The following JMJD1C variants were observed in gnomAD, a reference collection of about 807,000 sequenced individuals.
JMJD1C encodes the protein jumonji domain-containing protein 1C.
JMJD1C carries 31 observed loss-of-function variants against 245.3 expected under a neutral mutation model. The ratio of observed to expected loss-of-function variants is 0.13; its 90% confidence interval spans 0.09 to 0.17. JMJD1C has a LOEUF of 0.17. Ranked by LOEUF, JMJD1C falls within the 10% of genes least tolerant of loss-of-function variation. JMJD1C has a pLI of 1.00. For synonymous variants in JMJD1C, 1,057 were observed against 1,017.4 expected, an observed-to-expected ratio of 1.04 and a Z score of -0.74; for missense variants, 2,691 against 3,000.2, an observed-to-expected ratio of 0.90 and a Z score of 2.41.
At chr10:63,285,052 G>C (rs141003936) in intron 2 of JMJD1C, among the ~76,000 whole-genome samples, 5 of 152,248 alleles carry the variant, frequency 3.3e-5, no homozygotes, top group African/African-American at 9.6e-5. Flanking sequence ...TGGAAATAAA[G>C]TGCAAACTCC....
At chr10:63,512,775 C>G (rs761130100) in intron 1 of JMJD1C, among the ~76,000 whole-genome samples, 1 of 152,092 alleles carries the variant, frequency 6.6e-6, no homozygotes, top group Non-Finnish European at 1.5e-5. Context: ...TAAAATATTG[C>G]TTCTGTTCCT....
intron 1 of JMJD1C, among the ~76,000 whole-genome samples, chr10:63,433,417 T>C (rs907090361): frequency 1.3e-5 from 2 of 152,088 alleles, no homozygotes; most frequent in East Asian, 1.9e-4. Flanking sequence ...TTTATTTATT[T>C]AGATACTGAG....
At chr10:63,288,257 C>T (rs924090920) in intron 2 of JMJD1C, among the ~76,000 whole-genome samples, 9 of 152,160 alleles carry the variant, frequency 5.9e-5, no homozygotes, top group Non-Finnish European at 1.3e-4. Context: ...ACTATGTAGC[C>T]TTTTCAGATT....
intron 3 of JMJD1C, among the ~76,000 whole-genome samples, chr10:63,243,074 C>T (rs1418897122): frequency 1.5e-5 from 2 of 135,374 alleles, no homozygotes; most frequent in Non-Finnish European, 3.2e-5. Context: ...TTTGACTTCT[C>T]TCAAAGAGCC....
upstream of JMJD1C, among the ~76,000 whole-genome samples, chr10:63,470,964 C>T (rs1437642331): frequency 6.6e-6 from 1 of 152,010 alleles, no homozygotes; most frequent in Non-Finnish European, 1.5e-5. Flanking sequence ...CAGAAAATTC[C>T]TAATCTGCTG....
intron 2 of JMJD1C, among the ~76,000 whole-genome samples, chr10:63,351,479 A>G (rs1944356928): frequency 6.6e-6 from 1 of 152,208 alleles, no homozygotes. Flanking sequence ...GAGGTCTATT[A>G]TAATTCCTAG....
At chr10:63,218,207 G>A (rs764228103) in intron 4 of JMJD1C, among the ~76,000 whole-genome samples, 1 of 152,066 alleles carries the variant, frequency 6.6e-6, no homozygotes, top group Non-Finnish European at 1.5e-5. Flanking sequence ...GAGGTTGACA[G>A]ATTAGGTAAA....
chr10:63,207,046 T>C lies in JMJD1C; in HGVS notation c.4623A>G (p.Thr1541=). 1 of 1,614,190 alleles carries C rather than the reference T, an allele frequency of 6.2e-7. No homozygotes were observed. Among genetic ancestry groups the C allele is most frequent in the Non-Finnish European group, 8.5e-7 (1 of 1,180,030 alleles). Residue 1541 remains threonine (T), a synonymous_variant, in exon 10 of 26, where the codon ACA becomes ACG. Transcript: ENST00000399262. ...GTTTAGTATGGTAGTTTGGTTGACTTGTCTGGGAAGCTTGCCCATTTCCTA... is the reference window on the plus strand; with the variant it reads ...GTTTAGTATGGTAGTTTGGTTGACTCGTCTGGGAAGCTTGCCCATTTCCTA... The part of the protein sequence containing the change: ...NSVGNGQASQ[T]SQPNYHTKLK...
chr10:63,427,817 C>T, intron 1 of JMJD1C: 3 of 1,112,524 alleles, frequency 2.7e-6, no homozygotes, highest in Admixed American at 1.7e-5. Flanking sequence ...TGCAAGGCCC[C>T]TTCTAAAACA....
chr10:63,459,597 C>T (rs143771556), intron 1 of JMJD1C, among the ~76,000 whole-genome samples: 4 of 152,214 alleles, frequency 2.6e-5, no homozygotes, highest in Admixed American at 2.6e-4. Flanking sequence ...TACACCTGGA[C>T]ACATAAAAGC....
chr10:63,293,789 A>T (rs1564745412), intron 2 of JMJD1C, among the ~76,000 whole-genome samples: 4 of 150,764 alleles, frequency 2.7e-5, no homozygotes, highest in African/African-American at 7.3e-5. Flanking sequence ...TATTTCTCTA[A>T]TTTTTTTTTT....
chr10:63,184,375 T>G (rs1564565435), intron 21 of JMJD1C, among the ~76,000 whole-genome samples: 1 of 152,006 alleles, frequency 6.6e-6, no homozygotes, highest in African/African-American at 2.4e-5. Flanking sequence ...CCTGAGTAGC[T>G]GGGACTATAG....
In JMJD1C at chr10:63,215,280, T is replaced by C. The variant is rs1436428239; in HGVS notation, c.998A>G (p.Asp333Gly). The C allele has an allele frequency of 1.2e-6, 2 of 1,613,480 alleles. No homozygotes were observed. Among genetic ancestry groups the C allele is most frequent in the Non-Finnish European group, 1.7e-6 (2 of 1,179,778 alleles). The stretch of plus-strand genomic sequence containing the variant: ...GGTCCTACCTCCTCGTGATATATAA[T>C]CATATTTTTCCTCCTTCATCTTCTC... ...DEEKMKEEKY[D>G]YISRGENPKG... Residue 333 changes from aspartate to glycine, a missense_variant, in exon 7 of 26, where the codon GAT becomes GGT. Around this residue, in one of 9 missense-constraint regions of JMJD1C, gnomAD observed 1,562 missense variants for 1,490.7 expected, o/e 1.05. Transcript: ENST00000399262.
intron 2 of JMJD1C, among the ~76,000 whole-genome samples, chr10:63,350,616 CTTTTT>C (rs71025164): frequency 8.4e-6 from 1 of 119,384 alleles, no homozygotes. Context: ...GCAGAACCAA[CTTTTT>C]TTTTTTTTTT....
At chr10:63,189,005 C>T (rs1741231467) in intron 18 of JMJD1C, among the ~76,000 whole-genome samples, 163 bp downstream of exon 18, 3 of 152,136 alleles carry the variant, frequency 2.0e-5, no homozygotes, top group Admixed American at 6.5e-5. Context: ...AATTGAGAAA[C>T]AAGCATTCTG....
intron 1 of JMJD1C, among the ~76,000 whole-genome samples, chr10:63,505,766 C>A (rs1044625588): frequency 2.0e-5 from 3 of 150,748 alleles, no homozygotes; most frequent in Non-Finnish European, 4.4e-5. Flanking sequence ...GTAAAACAAA[C>A]AGGGATGCAA....
chr10:63,400,824 C>T (rs1459726313), intron 1 of JMJD1C, among the ~76,000 whole-genome samples: 9 of 151,436 alleles, frequency 5.9e-5, no homozygotes, highest in Admixed American at 2.6e-4. Context: ...CACCCACCTT[C>T]GCCTCCCAAA....
chr10:63,184,723 T>C lies in JMJD1C; in HGVS notation c.6846A>G (p.Leu2282=), dbSNP rs1201658145. ...TMMPARYEDL[L]KSLPLPEYCN... ...AATATTCTGGCAATGGCAGACTTTT[T>C]AAAAGATCTTCGTATCTGAAGAAAA... The change falls in exon 21 of 26, where the codon TTA becomes TTG. Residue 2282 remains leucine, a synonymous_variant. Transcript: ENST00000399262. 3.1e-6 allele frequency: 5 copies of C among 1,608,940 alleles called. No homozygotes were observed. Among genetic ancestry groups the C allele is most frequent in the Non-Finnish European group, 3.4e-6 (4 of 1,178,372 alleles).
chr10:63,423,171 G>T (rs1309631917), intron 1 of JMJD1C, among the ~76,000 whole-genome samples: 1 of 152,046 alleles, frequency 6.6e-6, no homozygotes, highest in Non-Finnish European at 1.5e-5. Flanking sequence ...CACCATGTTA[G>T]CCAGGCTGTT....
Sources: gnomAD v4.1 joint callset for allele counts (sites outside exome capture counted in the v4.1 genomes callset) on GRCh38, gnomAD v4.1.1 for gene constraint, gnomAD v4.1.1 regional missense constraint, MANE v1.5 for transcripts, NCBI Gene and HGNC (gene_info 2026-07-23, HGNC 2026-07-21) for gene names.